RPS6KC1: variants seen among roughly 807,000 people sequenced by gnomAD.
RPS6KC1 encodes ribosomal protein S6 kinase C1, also known as inactive ribosomal protein S6 kinase delta-1.
RPS6KC1 carries 54 observed loss-of-function variants against 103.8 expected under a neutral mutation model. The observed-to-expected ratio is 0.52, with a 90% CI of 0.42 to 0.65. The LOEUF is 0.65. Among genes scored for constraint, RPS6KC1 ranks in the 30% least tolerant of loss-of-function variants. The probability of loss-of-function intolerance (pLI) is 0.00; values close to 1 mark genes in which losing one functional copy is unlikely to be tolerated. For synonymous variants in RPS6KC1, 439 were observed against 438.7 expected (o/e 1.00, Z -0.01); for missense variants, 1,151 against 1,253.8 (o/e 0.92, Z 1.24).
chr1:213,494,202 A>G, the RPS6KC1 span, among the ~76,000 whole-genome samples: 2 of 152,122 alleles, frequency 1.3e-5, no homozygotes, highest in East Asian at 3.8e-4. Flanking sequence ...CAATCAATTC[A>G]TCATGTCTTT....
intron 6 of RPS6KC1, among the ~76,000 whole-genome samples, chr1:213,160,688 A>T (rs1033562324): frequency 6.6e-6 from 1 of 151,698 alleles, no homozygotes; most frequent in Admixed American, 6.6e-5. Flanking sequence ...GGATGAGTTC[A>T]TGTCCTTTGT....
At chr1:213,854,556 C>CTTTA in the RPS6KC1 span, among the ~76,000 whole-genome samples, 1 of 107,322 alleles carries the variant, frequency 9.3e-6, no homozygotes, top group Non-Finnish European at 1.8e-5. Context: ...TTCTTTCTTT[C>CTTTA]TTTCTTTCTC....
intron 4 of RPS6KC1, 65 bp from the exon 5 acceptor site, chr1:213,117,252 A>G (rs981044531): frequency 3.3e-6 from 3 of 918,386 alleles, no homozygotes; most frequent in Non-Finnish European, 3.5e-6. Context: ...TGGGATAACT[A>G]TTTTTTATTT....
intron 8 of RPS6KC1, chr1:213,205,098 T>C (rs889967265): frequency 4.8e-6 from 1 of 206,766 alleles, no homozygotes; most frequent in Admixed American, 6.5e-5. Context: ...TACATCTCTT[T>C]GGATCCATGC....
chr1:213,813,122 G>A, the RPS6KC1 span, among the ~76,000 whole-genome samples: 6 of 151,994 alleles, frequency 3.9e-5, no homozygotes, highest in South Asian at 4.2e-4. Context: ...GTGGTGGCAC[G>A]CAACTGTAGT....
chr1:213,808,594 A>C, the RPS6KC1 span, among the ~76,000 whole-genome samples: 1 of 152,242 alleles, frequency 6.6e-6, no homozygotes, highest in Non-Finnish European at 1.5e-5. Flanking sequence ...CAGGTGCAGG[A>C]TATAATCTCC....
the RPS6KC1 span, among the ~76,000 whole-genome samples, chr1:213,476,724 A>G: frequency 6.6e-6 from 1 of 152,186 alleles, no homozygotes; most frequent in Admixed American, 6.5e-5. Flanking sequence ...TTGGAGACTC[A>G]CCTGTTCCTT....
chr1:213,640,506 A>T, the RPS6KC1 span, among the ~76,000 whole-genome samples: 21,282 of 149,576 alleles, frequency 0.14, 2,366 homozygotes, highest in African/African-American at 0.31. Flanking sequence ...TTTATTTGAT[A>T]TTTTTTTCTC....
At chr1:213,365,467 T>G in the RPS6KC1 span, among the ~76,000 whole-genome samples, 1 of 152,260 alleles carries the variant, frequency 6.6e-6, no homozygotes, top group Non-Finnish European at 1.5e-5. Flanking sequence ...TTGTCTGTGC[T>G]TATTAAAAAT....
intron 12 of RPS6KC1, among the ~76,000 whole-genome samples, chr1:213,257,786 C>CTTTTT (rs71147062): frequency 8.1e-5 from 4 of 49,424 alleles, no homozygotes; most frequent in Non-Finnish European, 1.1e-4. Context: ...ACAGGTAAAA[C>CTTTTT]TTTTTTTTTT....
At chr1:213,808,472 G>A in the RPS6KC1 span, among the ~76,000 whole-genome samples, 1 of 152,250 alleles carries the variant, frequency 6.6e-6, no homozygotes, top group East Asian at 1.9e-4. Flanking sequence ...ACCCAAGCAA[G>A]CCTGGGCAAT....
At chr1:213,361,091 A>G in the RPS6KC1 span, among the ~76,000 whole-genome samples, 113 of 152,344 alleles carry the variant, frequency 7.4e-4, no homozygotes, top group Non-Finnish European at 1.4e-3. Context: ...GAGCTGTCAG[A>G]CAGGGACATT....
At chr1:213,105,450 T>C (rs970911605) in intron 4 of RPS6KC1, among the ~76,000 whole-genome samples, 1 of 152,110 alleles carries the variant, frequency 6.6e-6, no homozygotes, top group South Asian at 2.1e-4. Flanking sequence ...ACCAGTGATA[T>C]GTATGAATAG....
At chr1:213,822,476 T>C in the RPS6KC1 span, 6 of 152,124 alleles carry the variant, frequency 3.9e-5, no homozygotes, top group African/African-American at 1.4e-4. Context: ...CACCTAATGC[T>C]ATATAGGATA....
the RPS6KC1 span, among the ~76,000 whole-genome samples, chr1:213,296,463 C>T: frequency 2.0e-5 from 3 of 152,154 alleles, no homozygotes; most frequent in African/African-American, 7.2e-5. Context: ...ACTTGGGGGT[C>T]TCTTGCATTC....
chr1:213,609,560 C>T, the RPS6KC1 span, among the ~76,000 whole-genome samples: 1 of 152,014 alleles, frequency 6.6e-6, no homozygotes, highest in African/African-American at 2.4e-5. Flanking sequence ...GCTTGTGCAT[C>T]CCCGGAAATG....
the RPS6KC1 span, among the ~76,000 whole-genome samples, chr1:213,784,523 G>C: frequency 6.6e-6 from 1 of 152,196 alleles, no homozygotes; most frequent in Non-Finnish European, 1.5e-5. Context: ...TGATGATTCT[G>C]ATTTCCAAAG....
chr1:213,330,786 T>C, the RPS6KC1 span, among the ~76,000 whole-genome samples: 1 of 152,222 alleles, frequency 6.6e-6, no homozygotes, highest in Non-Finnish European at 1.5e-5. Flanking sequence ...CTTGAGAAGG[T>C]GAACGGTGAG....
the RPS6KC1 span, among the ~76,000 whole-genome samples, chr1:213,334,513 G>A: frequency 2.6e-5 from 4 of 152,172 alleles, no homozygotes; most frequent in African/African-American, 9.7e-5. Flanking sequence ...AACACCCGCA[G>A]TCATTCCTGT....
Sources: gnomAD v4.1 joint callset for allele counts (sites outside exome capture counted in the v4.1 genomes callset) on GRCh38, gnomAD v4.1.1 for gene constraint, MANE v1.5 for transcripts, NCBI Gene and HGNC (gene_info 2026-07-23, HGNC 2026-07-21) for gene names.